The following NRG1 variants were observed in gnomAD, a reference collection of about 807,000 sequenced individuals.
NRG1 encodes the protein neuregulin 1, also known as pro-neuregulin-1, membrane-bound isoform.
NRG1 carries 18 observed loss-of-function variants against 63.8 expected under a neutral mutation model. The ratio of observed to expected loss-of-function variants is 0.28; its 90% CI spans 0.19 to 0.42. The LOEUF (loss-of-function observed/expected upper bound fraction) is 0.42. Ranked by LOEUF, NRG1 falls within the 10% of genes least tolerant of loss-of-function variation. The probability of loss-of-function intolerance (pLI) is 1.00; values close to 1 mark genes in which losing one functional copy is unlikely to be tolerated. For missense variants in NRG1, 762 were observed against 814.7 expected (o/e 0.94, Z 0.79); for synonymous variants, 302 against 301.3 (o/e 1.00, Z -0.02).
chr8:31,643,004 G>T (rs1319541872), intron 1 of NRG1, among the ~76,000 whole-genome samples: 6 of 152,138 alleles, frequency 3.9e-5, no homozygotes, highest in Non-Finnish European at 8.8e-5. Context: ...GTGTGTGAGA[G>T]AGAGAATGAA....
At chr8:32,621,896 G>A (rs1848404319) in intron 5 of NRG1, among the ~76,000 whole-genome samples, 1 of 152,184 alleles carries the variant, frequency 6.6e-6, no homozygotes, top group African/African-American at 2.4e-5. Context: ...CAAAGAAAAA[G>A]CCCTTACTAT....
At chr8:32,276,130 C>T (rs1307004625) in intron 1 of NRG1, among the ~76,000 whole-genome samples, 1 of 152,146 alleles carries the variant, frequency 6.6e-6, no homozygotes, top group Non-Finnish European at 1.5e-5. Flanking sequence ...CCACAGAGCA[C>T]TAGAATTCAT....
rs201406660 is a variant in NRG1 at position 32,389,759 on chromosome 8, CTTTTTTT to C, written c.38-206056_38-206050del. ...GCAGCTTTTCTTTCAGTCTTTCTTT[CTTTTTTT>C]TTTTTTTTTTTTGAAATGGAGTCTC... is the stretch of plus-strand genomic sequence containing the variant. On this transcript the variant is annotated intron_variant, in intron 1 of 10. Transcript: ENST00000519301. 7.5e-5 allele frequency among the ~76,000 whole-genome samples: 11 copies of C among 145,796 alleles called. No homozygotes were observed. In the East Asian group the frequency reaches 1.9e-3, roughly 25 times the overall value.
At chr8:32,479,143 G>A (rs892346713) in intron 1 of NRG1, among the ~76,000 whole-genome samples, 1 of 152,114 alleles carries the variant, frequency 6.6e-6, no homozygotes, top group South Asian at 2.1e-4. Flanking sequence ...CAAAGAATTT[G>A]TCAGGGTCCC....
intron 1 of NRG1, among the ~76,000 whole-genome samples, chr8:31,812,834 A>C (rs1227544191): frequency 6.6e-6 from 1 of 152,224 alleles, no homozygotes; most frequent in Non-Finnish European, 1.5e-5. Context: ...ATTTGTCATT[A>C]AATTGGAACT....
At chr8:32,584,232 T>TG (rs1212428205) in intron 1 of NRG1, among the ~76,000 whole-genome samples, 1 of 152,204 alleles carries the variant, frequency 6.6e-6, no homozygotes, top group African/African-American at 2.4e-5. Flanking sequence ...GGTTTCTTAC[T>TG]GTCAACAATC....
intron 1 of NRG1, among the ~76,000 whole-genome samples, chr8:31,781,594 T>G (rs1404813613): frequency 6.6e-6 from 1 of 152,100 alleles, no homozygotes; most frequent in Admixed American, 6.6e-5. Context: ...ACAGAAGAGT[T>G]CCCAAAACAG....
In NRG1 at chr8:31,927,690, C is replaced by T. The variant is rs1170790980; in HGVS notation, c.37+288259C>T. On this transcript the variant is annotated intron_variant, in intron 1 of 10. Coordinates refer to the NRG1 transcript ENST00000519301. ...GTCTCGATCTCCTGACCTCGTGATCCGCCCGCCTCGGCCTCCCAAAGTGCT... is the reference window on the plus strand; with the variant it reads ...GTCTCGATCTCCTGACCTCGTGATCTGCCCGCCTCGGCCTCCCAAAGTGCT... 1.5e-3 allele frequency among the ~76,000 whole-genome samples: 220 copies of T among 149,164 alleles called. 1 individual carries two copies. Among genetic ancestry groups the T allele is most frequent in the East Asian group, 6.1e-3 (31 of 5,114 alleles).
intron 1 of NRG1, among the ~76,000 whole-genome samples, chr8:31,694,615 A>G (rs1173530643): frequency 1.3e-5 from 2 of 152,182 alleles, no homozygotes; most frequent in Admixed American, 1.3e-4. Context: ...TGTGTTTTGT[A>G]TAGAAGGCTA....
At chr8:32,756,659 T>A in intron 9 of NRG1, 130 bp downstream of exon 9, 1 of 1,302,680 alleles carries the variant, frequency 7.7e-7, no homozygotes, top group Non-Finnish European at 1.0e-6. Flanking sequence ...GGAATCCAGG[T>A]TTTTGCCAGG....
At chr8:32,431,097 G>A (rs1818086468) in intron 1 of NRG1, among the ~76,000 whole-genome samples, 1 of 152,098 alleles carries the variant, frequency 6.6e-6, no homozygotes, top group Admixed American at 6.6e-5. Flanking sequence ...TGAATGTGAG[G>A]CTCAGAGAAG....
chr8:31,936,295 GAC>G (rs1835293615), intron 1 of NRG1, among the ~76,000 whole-genome samples: 1 of 152,136 alleles, frequency 6.6e-6, no homozygotes, highest in South Asian at 2.1e-4. Flanking sequence ...AACCTTGAAA[GAC>G]AGTCATACAT....
At chr8:32,741,719 A>G (rs966048607) in intron 6 of NRG1, among the ~76,000 whole-genome samples, 4 of 152,192 alleles carry the variant, frequency 2.6e-5, no homozygotes, top group Non-Finnish European at 4.4e-5. Context: ...CCAAAGGGAA[A>G]TTGACAGCTC....
At chr8:32,511,367 G>GTATATATATATATA (rs202038797) in intron 1 of NRG1, among the ~76,000 whole-genome samples, 116 of 122,044 alleles carry the variant, frequency 9.5e-4, no homozygotes, top group Non-Finnish European at 1.3e-3. Context: ...ATATATATGT[G>GTATATATATATATA]TATATATATA....
At chr8:32,222,635 A>G (rs1845938503) in intron 1 of NRG1, among the ~76,000 whole-genome samples, 1 of 152,178 alleles carries the variant, frequency 6.6e-6, no homozygotes, top group South Asian at 2.1e-4. Context: ...CAAACCTTTA[A>G]TGGCACCATT....
chr8:31,908,189 C>T (rs1234674623), intron 1 of NRG1, among the ~76,000 whole-genome samples: 2 of 152,200 alleles, frequency 1.3e-5, no homozygotes, highest in Non-Finnish European at 2.9e-5. Context: ...ATTAACACCT[C>T]TCCCTGTAGG....
At chr8:31,857,266 T>G (rs1203070908) in intron 1 of NRG1, among the ~76,000 whole-genome samples, 2 of 152,222 alleles carry the variant, frequency 1.3e-5, no homozygotes, top group Non-Finnish European at 2.9e-5. Context: ...TCAGCAAGAC[T>G]CCGTGGGTGT....
In NRG1 at chr8:31,640,378, C is replaced by T. The variant is rs1165312084; in HGVS notation, c.37+947C>T. On this transcript the variant is annotated intron_variant, in intron 1 of 10. Transcript: ENST00000519301. The surrounding 1 kb of genome is among the most constrained non-coding windows in gnomAD (Gnocchi z 6.3). The stretch of plus-strand genomic sequence containing the variant: ...GGCGCTGGGGCCGCCCGCCGAGGAG[C>T]CGCTGCTCGCCGCCAACGGGACCGT... 4.6e-6 allele frequency: 6 copies of T among 1,292,494 alleles called. No individual in the cohort carries two copies. Among genetic ancestry groups the T allele is most frequent in the Non-Finnish European group, 5.9e-6 (6 of 1,017,430 alleles). 80.1% of individuals were successfully genotyped at this position (1,292,494 alleles called of 1,614,324 possible).
chr8:32,567,875 T>TA (rs1837759362), intron 1 of NRG1, among the ~76,000 whole-genome samples: 1 of 152,338 alleles, frequency 6.6e-6, no homozygotes, highest in African/African-American at 2.4e-5. Flanking sequence ...TGTGTGCTCT[T>TA]ACTGCTGTTA....
Sources: gnomAD v4.1 joint callset for allele counts (sites outside exome capture counted in the v4.1 genomes callset) on GRCh38, gnomAD v4.1.1 for gene constraint, Gnocchi (gnomAD v3.1) non-coding constraint, MANE v1.5 for transcripts, NCBI Gene and HGNC (gene_info 2026-07-23, HGNC 2026-07-21) for gene names.